RASGRP1: variants seen among roughly 807,000 people sequenced by gnomAD.
RASGRP1 encodes the protein RAS guanyl releasing protein 1, also known as RAS guanyl-releasing protein 1.
In RASGRP1, 37 loss-of-function variants were observed where a neutral mutation model predicts 95.1. The ratio of observed to expected loss-of-function variants is 0.39; its 90% CI spans 0.30 to 0.51. The LOEUF is 0.51. RASGRP1 is among the 20% of genes least tolerant of loss of function. The pLI is 0.80. For synonymous variants in RASGRP1, 325 were observed against 353.4 expected (o/e 0.92, Z 0.90); for missense variants, 711 against 965.4 (o/e 0.74, Z 3.49).
intron 2 of RASGRP1, among the ~76,000 whole-genome samples, chr15:38,532,647 A>G (rs917245383): frequency 1.3e-5 from 2 of 152,186 alleles, no homozygotes; most frequent in African/African-American, 4.8e-5. Context: ...TCTGGCCTCT[A>G]CTTGGACCCC....
chr15:38,522,913 A>C (rs1892055993), intron 3 of RASGRP1, among the ~76,000 whole-genome samples: 2 of 152,194 alleles, frequency 1.3e-5, no homozygotes, highest in Non-Finnish European at 2.9e-5. Context: ...AAGAATTTCA[A>C]GGGTAGCTAC....
At chr15:38,538,966 CTATT>C (rs1404937136) in intron 2 of RASGRP1, among the ~76,000 whole-genome samples, 1 of 152,128 alleles carries the variant, frequency 6.6e-6, no homozygotes, top group Non-Finnish European at 1.5e-5. Context: ...CTAATAACCT[CTATT>C]TATTAGCGTT....
chr15:38,516,152 G>GA (rs1344914833), intron 6 of RASGRP1, 45 bp downstream of exon 6: 2 of 1,522,766 alleles, frequency 1.3e-6, no homozygotes. Flanking sequence ...CTTATTTTCA[G>GA]AAATATCCCA....
At chr15:38,502,544 A>G in intron 11 of RASGRP1, 123 bp from the exon 12 acceptor site, 1 of 628,174 alleles carries the variant, frequency 1.6e-6, no homozygotes, top group South Asian at 2.0e-5. Flanking sequence ...CGAGAGGAAC[A>G]GGGAAACCTG....
intron 6 of RASGRP1, among the ~76,000 whole-genome samples, chr15:38,514,505 CAG>C (rs1406200995): frequency 2.6e-5 from 4 of 152,006 alleles, no homozygotes; most frequent in Non-Finnish European, 4.4e-5. Context: ...TTGTAATAAA[CAG>C]AAGATATCAA....
intron 13 of RASGRP1, among the ~76,000 whole-genome samples, chr15:38,500,787 T>C (rs1052036921): frequency 7.2e-5 from 11 of 151,830 alleles, no homozygotes; most frequent in Non-Finnish European, 1.3e-4. Context: ...TGGTCAGGAG[T>C]GGAACGGAAG....
At chr15:38,507,594 T>G in intron 9 of RASGRP1, 132 bp downstream of exon 9, 1 of 1,022,676 alleles carries the variant, frequency 9.8e-7, no homozygotes, top group Non-Finnish European at 1.4e-6. Context: ...CCTAGCTATA[T>G]GTTGGAGATA....
chr15:38,501,185 G>A lies in RASGRP1; in HGVS notation c.1641C>T (p.Thr547=), dbSNP rs929699727. 6.8e-6 allele frequency: 11 copies of A among 1,612,408 alleles called. No individual in the cohort carries two copies. The highest frequency in any genetic ancestry group is 1.7e-5 in the Admixed American group (1 of 59,776). The change falls in exon 13 of 17, where the codon ACC becomes ACT. Residue 547 remains threonine (T), a synonymous_variant. Coordinates refer to ENST00000310803, the MANE Select transcript of RASGRP1 (RefSeq NM_005739.4). ...CACAAAAAGTGGGCTTCAGGTAGGT[G>A]GTCTCTTGGAAGTTGTGAGGAAAGC... ...GLGFPHNFQE[T]TYLKPTFCDN... is the part of the protein sequence containing the mutation.
rs1034419411 is a variant in RASGRP1 at position 38,559,781 on chromosome 15, T to C, written c.220+40A>G. ...CACTTTTAAAGGACGAACAAAGTAA[T>C]AGAGTGATTTTTATGCCTGTGGGCA... On this transcript the variant is annotated intron_variant, in intron 2 of 16. Transcript: ENST00000310803. 18 of 1,570,246 alleles carry C rather than the reference T, an allele frequency of 1.1e-5. No individual in the cohort carries two copies. The East Asian group carries it at 1.8e-4, about 16-fold the overall frequency.
intron 2 of RASGRP1, among the ~76,000 whole-genome samples, chr15:38,538,249 G>A (rs540229696): frequency 6.6e-6 from 1 of 152,260 alleles, no homozygotes; most frequent in East Asian, 1.9e-4. Context: ...GGGGGATAGA[G>A]CAAGACTCTG....
chr15:38,533,186 C>T (rs1236528634), intron 2 of RASGRP1, among the ~76,000 whole-genome samples: 1 of 152,066 alleles, frequency 6.6e-6, no homozygotes, highest in Non-Finnish European at 1.5e-5. Flanking sequence ...CATTGAGGGC[C>T]TAACATGAAA....
At chr15:38,505,493 G>A (rs1027728079) in intron 10 of RASGRP1, among the ~76,000 whole-genome samples, 1 of 152,066 alleles carries the variant, frequency 6.6e-6, no homozygotes, top group Admixed American at 6.5e-5. Context: ...ATGCGGGGGG[G>A]ATGTCACTCT....
At chr15:38,513,042 C>T (rs1327688087) in intron 6 of RASGRP1, 86 bp from the exon 7 acceptor site, 1 of 1,312,928 alleles carries the variant, frequency 7.6e-7, no homozygotes. Flanking sequence ...CAAGTCCAGT[C>T]TGCTCAGTTG....
At chr15:38,508,282 C>G (rs1431620886) in intron 8 of RASGRP1, among the ~76,000 whole-genome samples, 2 of 152,028 alleles carry the variant, frequency 1.3e-5, no homozygotes, top group Non-Finnish European at 2.9e-5. Flanking sequence ...GTTAAAATTT[C>G]CTTCTTTTCA....
At chr15:38,513,215 G>A (rs11635873) in intron 6 of RASGRP1, among the ~76,000 whole-genome samples, 5 of 152,168 alleles carry the variant, frequency 3.3e-5, no homozygotes, top group South Asian at 2.1e-4. Context: ...AGACACATTA[G>A]TTAATCCAAA....
chr15:38,494,932 G>C (rs533212371), intron 15 of RASGRP1, among the ~76,000 whole-genome samples, 165 bp from the exon 16 acceptor site: 20 of 152,332 alleles, frequency 1.3e-4, no homozygotes, highest in African/African-American at 4.8e-4. Context: ...GCTAAATCCA[G>C]GGGCTTTGGC....
intron 2 of RASGRP1, among the ~76,000 whole-genome samples, chr15:38,538,400 G>T (rs961484728): frequency 5.3e-5 from 8 of 152,170 alleles, no homozygotes; most frequent in Admixed American, 1.3e-4. Flanking sequence ...TGGAAGATGG[G>T]GGAGACCAGG....
intron 2 of RASGRP1, among the ~76,000 whole-genome samples, chr15:38,552,219 A>G (rs1053160559): frequency 9.8e-5 from 15 of 152,330 alleles, no homozygotes; most frequent in African/African-American, 3.6e-4. Flanking sequence ...TCTAAGGTCC[A>G]TTGTTCCTTT....
At position 38,498,850 on chromosome 15, in the gene RASGRP1, GTGT is replaced by G. The variant is rs772016720; in HGVS notation, c.1814_1816del (p.Asn605del). 6.2e-7 allele frequency: 1 copy of G among 1,613,918 alleles called. No homozygotes were observed. Among genetic ancestry groups the G allele is most frequent in the Admixed American group, 1.7e-5 (1 of 60,026 alleles). ...AAGGTTGGACACTGGCCCCACAGAA[GTGT>G]TGTTCTCTGTGGGAGCTACTGGGTT... On this transcript the variant is annotated inframe_deletion, in exon 15 of 17. Transcript: ENST00000310803.
Sources: gnomAD v4.1 joint callset for allele counts (sites outside exome capture counted in the v4.1 genomes callset) on GRCh38, gnomAD v4.1.1 for gene constraint, MANE v1.5 for transcripts, NCBI Gene and HGNC (gene_info 2026-07-23, HGNC 2026-07-21) for gene names.